The following ANKRD12 variants were observed in gnomAD, a reference collection of about 807,000 sequenced individuals.
ANKRD12 encodes ankyrin repeat domain-containing protein 12.
A neutral mutation model predicts 183.4 loss-of-function variants in ANKRD12; 85 were observed. The ratio of observed to expected loss-of-function variants is 0.46; its 90% CI spans 0.39 to 0.56. The LOEUF (loss-of-function observed/expected upper bound fraction) is 0.56. Among genes scored for constraint, ANKRD12 ranks in the 20% least tolerant of loss-of-function variants. The pLI is 0.00. For missense variants in ANKRD12, 2,405 were observed against 2,357.1 expected, an observed-to-expected ratio of 1.02 and a Z score of -0.42; for synonymous variants, 914 against 800.2, an observed-to-expected ratio of 1.14 and a Z score of -2.40.
intron 8 of ANKRD12, among the ~76,000 whole-genome samples, chr18:9,248,479 T>C (rs1181455928): frequency 6.6e-6 from 1 of 152,226 alleles, no homozygotes; most frequent in Non-Finnish European, 1.5e-5. Context: ...TCTTTAATTT[T>C]CCTCTGCTTC....
chr18:9,261,743 A>ACCTC (rs1258835653), intron 9 of ANKRD12, among the ~76,000 whole-genome samples: 1 of 151,850 alleles, frequency 6.6e-6, no homozygotes, highest in African/African-American at 2.4e-5. Flanking sequence ...TTTGGGAATT[A>ACCTC]CCTCCCTCCC....
chr18:9,242,866 AATACT>A (rs2037742084), intron 8 of ANKRD12, among the ~76,000 whole-genome samples: 1 of 152,178 alleles, frequency 6.6e-6, no homozygotes, highest in African/African-American at 2.4e-5. Context: ...ACCAATATGT[AATACT>A]ATAGTAATAC....
At chr18:9,280,781 T>C (rs898455688) in intron 12 of ANKRD12, among the ~76,000 whole-genome samples, 160 bp from the exon 13 acceptor site, 1 of 151,928 alleles carries the variant, frequency 6.6e-6, no homozygotes, top group African/African-American at 2.4e-5. Context: ...AGAGCAAGAC[T>C]CTGTCTCAAA....
chr18:9,161,750 G>A (rs1229120434), intron 1 of ANKRD12, among the ~76,000 whole-genome samples: 1 of 149,108 alleles, frequency 6.7e-6, no homozygotes, highest in South Asian at 2.1e-4. Context: ...GTGTGTGTGT[G>A]TGTATATATA....
rs747955985 is a variant in ANKRD12 at position 9,263,762 on chromosome 18, T to C, written c.5665-28T>C. On this transcript the variant is annotated intron_variant, in intron 9 of 12. Transcript: ENST00000262126. ...CATTATTGTAAATAAAACCTAATAT[T>C]TTAAACTATATATATCTTTTTAATT... is the stretch of plus-strand genomic sequence containing the variant. 4.1e-6 allele frequency: 6 copies of C among 1,450,530 alleles called. No homozygotes were observed. In the South Asian group the frequency reaches 8.6e-5, roughly 21 times the overall value. The allele number at this position is 1,450,530 out of a possible 1,614,324, so 89.9% of individuals were successfully genotyped here. A position where few individuals can be genotyped will look rare whatever the true frequency, so the allele number is the denominator to read the frequency against.
chr18:9,159,165 C>T (rs1325860532), intron 1 of ANKRD12, among the ~76,000 whole-genome samples: 1 of 152,166 alleles, frequency 6.6e-6, no homozygotes, highest in Non-Finnish European at 1.5e-5. Flanking sequence ...TTTAGGTGTG[C>T]TTCTTGCTAC....
rs1290415791 is a variant in ANKRD12, at chr18:9,258,746, C to T, written c.5479C>T (p.Pro1827Ser). The T allele has an allele frequency of 6.2e-7, 1 of 1,613,760 alleles. No homozygotes were observed. The highest frequency in any genetic ancestry group is 8.5e-7 in the Non-Finnish European group (1 of 1,179,866). ...TTCTCTAAAACTAGATGAGATTCAG[C>T]CATACAGTTCAGAGAGAGCAAATCC... ...VDSLKLDEIQPYSSERANPYF... is the reference protein window; with the variant it reads ...VDSLKLDEIQSYSSERANPYF... The change falls in exon 9 of 13, where the codon CCA becomes TCA. Residue 1827 changes from proline to serine, a missense_variant. By Grantham distance (74) the Pro-to-Ser change is moderately conservative. Coordinates refer to ENST00000262126, the MANE Select transcript of ANKRD12 (RefSeq NM_015208.5).
intron 2 of ANKRD12, among the ~76,000 whole-genome samples, chr18:9,185,570 A>G (rs1227242997): frequency 6.6e-6 from 1 of 152,234 alleles, no homozygotes; most frequent in African/African-American, 2.4e-5. Flanking sequence ...TTTAGTAGGC[A>G]GTTGCATATG....
chr18:9,184,215 T>G lies in ANKRD12; in HGVS notation c.87+1696T>G, dbSNP rs902179241. On this transcript the variant is annotated intron_variant, in intron 2 of 12. Coordinates refer to ENST00000262126, the MANE Select transcript of ANKRD12 (RefSeq NM_015208.5). ...TAAAGAAATAAGAGAAATCAATGTT[T>G]ATGTAGTTTCAGATTTCCCTACAAA... Among the ~76,000 whole-genome samples the G allele has an allele frequency of 2.6e-5, 4 of 152,320 alleles. No homozygotes were observed. In the East Asian group the frequency reaches 7.7e-4, roughly 29 times the overall value.
chr18:9,269,108 A>G lies in ANKRD12; in HGVS notation c.5763+5220A>G, dbSNP rs1210509608. Among the ~76,000 whole-genome samples, 9 of 152,342 alleles carry G rather than the reference A, an allele frequency of 5.9e-5. No individual in the cohort carries two copies. In the South Asian group the frequency reaches 1.9e-3, roughly 32 times the overall value. On this transcript the variant is annotated intron_variant, in intron 10 of 12. Transcript: ENST00000262126. ...AAGGAGAACTACAAACCACTGCTCAATGAAATAAAAGAGGATACAAACAAA... is the reference window on the plus strand; with the variant it reads ...AAGGAGAACTACAAACCACTGCTCAGTGAAATAAAAGAGGATACAAACAAA...
At chr18:9,269,931 C>A (rs1439578124) in intron 10 of ANKRD12, among the ~76,000 whole-genome samples, 1 of 151,470 alleles carries the variant, frequency 6.6e-6, no homozygotes, top group Non-Finnish European at 1.5e-5. Context: ...CAAGAAAAAA[C>A]CCCATCAACA....
chr18:9,221,876 G>C lies in ANKRD12; in HGVS notation c.820G>C (p.Gly274Arg). 1 of 1,613,824 alleles carries C rather than the reference G, an allele frequency of 6.2e-7. No homozygotes were observed. The highest frequency in any genetic ancestry group is 8.5e-7 in the Non-Finnish European group (1 of 1,179,864). Residue 274 changes from glycine (G) to arginine (R), a missense_variant, in exon 8 of 13, where the codon GGT becomes CGT. Gly to Arg is a moderately radical substitution (Grantham distance 125). This residue lies in a region of ANKRD12 where 40 missense variants were observed against 54.2 expected (regional missense o/e 0.74). Transcript: ENST00000262126. ...GATAGTAAAGCTGTTACTTCGTCAC[G>C]GTGGAAATCCATTTCAAGCTAATAA... The part of the protein sequence containing the change: ...RDIVKLLLRH[G>R]GNPFQANKHG...
chr18:9,276,844 G>A (rs558838775), intron 11 of ANKRD12, among the ~76,000 whole-genome samples: 1 of 152,262 alleles, frequency 6.6e-6, no homozygotes, highest in South Asian at 2.1e-4. Context: ...AAAGAAATAG[G>A]CACTGGAGAG....
At chr18:9,210,135 T>C (rs1362257158) in intron 5 of ANKRD12, among the ~76,000 whole-genome samples, 1 of 152,128 alleles carries the variant, frequency 6.6e-6, no homozygotes, top group Non-Finnish European at 1.5e-5. Flanking sequence ...TTTTGAAATA[T>C]CAAGCAGTTT....
At chr18:9,184,935 A>G (rs2144227047) in intron 2 of ANKRD12, among the ~76,000 whole-genome samples, 1 of 152,312 alleles carries the variant, frequency 6.6e-6, no homozygotes, top group Middle Eastern at 3.4e-3. Context: ...ATACCAGTGT[A>G]ATAAGCTCAT....
intron 6 of ANKRD12, among the ~76,000 whole-genome samples, chr18:9,215,929 T>A (rs2036074918): frequency 6.6e-6 from 1 of 152,028 alleles, no homozygotes; most frequent in Non-Finnish European, 1.5e-5. Context: ...CCAAAACAGT[T>A]TCAAGTGATG....
intron 2 of ANKRD12, among the ~76,000 whole-genome samples, chr18:9,194,625 G>A (rs1267785228): frequency 3.3e-5 from 5 of 152,086 alleles, no homozygotes; most frequent in Non-Finnish European, 7.4e-5. Context: ...CCACAGTGCC[G>A]GGATTAACAG....
chr18:9,249,975 G>T (rs539274381), intron 8 of ANKRD12: 5 of 152,172 alleles, frequency 3.3e-5, no homozygotes, highest in Non-Finnish European at 7.3e-5. Flanking sequence ...ACTCTGGGCT[G>T]CATCTCTTAG....
At chr18:9,166,334 C>T (rs1422419255) in intron 1 of ANKRD12, among the ~76,000 whole-genome samples, 2 of 152,182 alleles carry the variant, frequency 1.3e-5, no homozygotes, top group Non-Finnish European at 2.9e-5. Context: ...TACAGTCCCA[C>T]CAACAGTGTA....
Sources: allele counts gnomAD v4.1 joint callset (sites outside exome capture counted in the v4.1 genomes callset), GRCh38; gene constraint gnomAD v4.1.1; regional missense constraint gnomAD v4.1.1; transcripts MANE v1.5; gene names NCBI Gene and HGNC (gene_info 2026-07-23, HGNC 2026-07-21).